The following RARRES1 variants were observed in gnomAD, a reference collection of about 807,000 sequenced individuals.
The protein encoded by RARRES1 is retinoic acid receptor responder 1, also known as retinoic acid receptor responder protein 1.
A neutral mutation model predicts 30.6 loss-of-function variants in RARRES1; 34 were observed. That is an observed-to-expected ratio of 1.11 (90% CI 0.84 to 1.48). The LOEUF is 1.48. Among genes scored for constraint, RARRES1 ranks in the 40% most tolerant of loss-of-function variants. RARRES1 has a pLI of 0.00. For synonymous variants in RARRES1, 153 were observed against 155.5 expected, an observed-to-expected ratio of 0.98 and a Z score of 0.12; for missense variants, 373 against 386.5, an observed-to-expected ratio of 0.97 and a Z score of 0.29.
chr3:158,731,531 C>T (rs1727887688), intron 1 of RARRES1, among the ~76,000 whole-genome samples: 1 of 152,180 alleles, frequency 6.6e-6, no homozygotes, highest in African/African-American at 2.4e-5. Flanking sequence ...GAACACTGGG[C>T]TCGGATTCAC....
intron 2 of RARRES1, among the ~76,000 whole-genome samples, chr3:158,712,947 G>A (rs570022778): frequency 3.2e-4 from 49 of 152,300 alleles, no homozygotes; most frequent in Non-Finnish European, 5.3e-4. Context: ...TACACTTTAA[G>A]GAAATTTTAA....
At chr3:158,700,231 A>G (rs200572811) in intron 4 of RARRES1, among the ~76,000 whole-genome samples, 24,069 of 140,984 alleles carry the variant, frequency 0.17, 1,973 homozygotes, top group South Asian at 0.23. Flanking sequence ...GTGTATATAT[A>G]TATATATAAA....
chr3:158,716,748 T>C (rs1727334736), intron 1 of RARRES1, among the ~76,000 whole-genome samples: 1 of 152,102 alleles, frequency 6.6e-6, no homozygotes, highest in East Asian at 1.9e-4. Flanking sequence ...CACACCTGGC[T>C]AATTTTTTGT....
chr3:158,714,046 G>A (rs913500956), intron 1 of RARRES1, among the ~76,000 whole-genome samples, 187 bp from the exon 2 acceptor site: 10 of 152,180 alleles, frequency 6.6e-5, no homozygotes, highest in South Asian at 6.2e-4. Context: ...CTGCTTGCTA[G>A]TTTGACACCT....
chr3:158,722,221 A>G (rs1453034742), intron 1 of RARRES1, among the ~76,000 whole-genome samples: 4 of 151,978 alleles, frequency 2.6e-5, no homozygotes, highest in Admixed American at 2.6e-4. Flanking sequence ...TGACATTTGT[A>G]TATGCACCAA....
rs555636398 is a variant in RARRES1, at chr3:158,713,781, A to G, written c.339+16T>C. On this transcript the variant is annotated intron_variant, in intron 2 of 5. Coordinates refer to ENST00000237696, the MANE Select transcript of RARRES1 (RefSeq NM_206963.2). ...GCAGTTGCTAATAGGATACTTTGCC[A>G]ATTGTGGCAGCTTACCTCTGGGTTG... 3.5e-5 allele frequency: 56 copies of G among 1,607,232 alleles called. No individual in the cohort carries two copies. The East Asian group carries it at 1.1e-3, about 33-fold the overall frequency.
At position 158,723,436 on chromosome 3, in the gene RARRES1, G is replaced by A. The variant is rs921973496; in HGVS notation, c.276+8704C>T. 1.3e-5 allele frequency among the ~76,000 whole-genome samples: 2 copies of A among 152,212 alleles called. No individual in the cohort carries two copies. The highest frequency in any genetic ancestry group is 4.8e-5 in the African/African-American group (2 of 41,444). On this transcript the variant is annotated intron_variant, in intron 1 of 5. Coordinates refer to ENST00000237696, the MANE Select transcript of RARRES1 (RefSeq NM_206963.2). The surrounding 1 kb of genome is among the most constrained non-coding windows in gnomAD (Gnocchi z 4.4). Reference sequence around the variant, plus strand: ...TATGTTCCAGATGGAGACAGCATCAGTATATTATATTATACCCTGGAATCA... The same window carrying A: ...TATGTTCCAGATGGAGACAGCATCAATATATTATATTATACCCTGGAATCA...
chr3:158,706,668 G>A (rs1219024481), intron 3 of RARRES1, among the ~76,000 whole-genome samples: 3 of 152,180 alleles, frequency 2.0e-5, no homozygotes, highest in Non-Finnish European at 4.4e-5. Flanking sequence ...AATACTTTGT[G>A]AATGCAGGCT....
At chr3:158,722,400 T>G (rs1428631677) in intron 1 of RARRES1, among the ~76,000 whole-genome samples, 1 of 152,178 alleles carries the variant, frequency 6.6e-6, no homozygotes, top group Non-Finnish European at 1.5e-5. Flanking sequence ...CCACTTTTTT[T>G]GAAATATTGC....
At chr3:158,730,368 CTT>C (rs1263675172) in intron 1 of RARRES1, among the ~76,000 whole-genome samples, 1,375 of 50,076 alleles carry the variant, frequency 0.027, 50 homozygotes, top group African/African-American at 0.13. Flanking sequence ...TAGGTTGCTC[CTT>C]CCTTCCTTCC....
chr3:158,697,555 T>C lies in RARRES1; in HGVS notation c.*123A>G, dbSNP rs1051109. The C allele has an allele frequency of 0.17, 189,085 of 1,095,818 alleles. 17,126 individuals carry two copies. Among genetic ancestry groups the C allele is most frequent in the South Asian group, 0.23 (13,677 of 58,836 alleles). 67.9% of individuals were successfully genotyped at this position (1,095,818 alleles called of 1,614,324 possible). Reference sequence around the variant, plus strand: ...CAACATCTTTGCATTTCTGAGTTTTTACTTGTAATCATAGGTTTTCCCAAA... The same window carrying C: ...CAACATCTTTGCATTTCTGAGTTTTCACTTGTAATCATAGGTTTTCCCAAA... On this transcript the variant is annotated 3_prime_UTR_variant, in exon 6 of 6. Coordinates refer to ENST00000237696, the MANE Select transcript of RARRES1 (RefSeq NM_206963.2).
chr3:158,705,150 C>G (rs1158587263), intron 3 of RARRES1, among the ~76,000 whole-genome samples: 1 of 152,124 alleles, frequency 6.6e-6, no homozygotes, highest in African/African-American at 2.4e-5. Context: ...AAATCAATGG[C>G]CATTTGCTGT....
chr3:158,722,692 C>T (rs1278166489), intron 1 of RARRES1, among the ~76,000 whole-genome samples: 1 of 151,958 alleles, frequency 6.6e-6, no homozygotes, highest in East Asian at 1.9e-4. Context: ...ATCATCCTGG[C>T]TAACATGGTG....
intron 3 of RARRES1, 140 bp downstream of exon 3, chr3:158,710,598 G>T: frequency 1.3e-6 from 1 of 777,482 alleles, no homozygotes; most frequent in Non-Finnish European, 2.0e-6. Flanking sequence ...TCTGAGTTTT[G>T]TTTAAATTAT....
At chr3:158,728,557 T>TCTGTCACC (rs1416185406) in intron 1 of RARRES1, among the ~76,000 whole-genome samples, 1 of 148,466 alleles carries the variant, frequency 6.7e-6, no homozygotes, top group Non-Finnish European at 1.5e-5. Flanking sequence ...AGATTCTCGC[T>TCTGTCACC]CTGTCACCCA....
chr3:158,731,351 G>A (rs556834167), intron 1 of RARRES1, among the ~76,000 whole-genome samples: 1 of 152,306 alleles, frequency 6.6e-6, no homozygotes, highest in East Asian at 1.9e-4. Context: ...GGTTGTAGAA[G>A]GAGCAACTTT....
intron 1 of RARRES1, among the ~76,000 whole-genome samples, chr3:158,727,798 G>C (rs981551459): frequency 6.6e-6 from 1 of 152,222 alleles, no homozygotes; most frequent in Non-Finnish European, 1.5e-5. Flanking sequence ...GGTGGGGGCA[G>C]TGAGGGAACA....
chr3:158,704,791 C>A lies in RARRES1; in HGVS notation c.672G>T (p.Trp224Cys), dbSNP rs1428907035. 4.3e-6 allele frequency: 7 copies of A among 1,610,640 alleles called. No individual in the cohort carries two copies. Among genetic ancestry groups the A allele is most frequent in the East Asian group, 2.2e-5 (1 of 44,768 alleles). The change falls in exon 4 of 6, where the codon TGG becomes TGT. Residue 224 changes from tryptophan to cysteine, a missense_variant and splice_region_variant. By Grantham distance (215) the Trp-to-Cys change is radical. Coordinates refer to ENST00000237696, the MANE Select transcript of RARRES1 (RefSeq NM_206963.2). ...YLAQLTSVRQ[W>C]KTNDDTIDFD... Reference sequence around the variant, plus strand: ...AAGTTAATTTTCAGGTTTTTCTTACCCACTGCCTCACACTAGTGAGCTGTG... The same window carrying A: ...AAGTTAATTTTCAGGTTTTTCTTACACACTGCCTCACACTAGTGAGCTGTG...
chr3:158,722,917 ACT>A (rs986508594), intron 1 of RARRES1, among the ~76,000 whole-genome samples: 1 of 151,666 alleles, frequency 6.6e-6, no homozygotes, highest in African/African-American at 2.4e-5. Flanking sequence ...TCCCCTTTAA[ACT>A]CTCTCAAAAC....
Sources: allele counts gnomAD v4.1 joint callset (sites outside exome capture counted in the v4.1 genomes callset), GRCh38; gene constraint gnomAD v4.1.1; non-coding constraint Gnocchi (gnomAD v3.1); transcripts MANE v1.5; gene names NCBI Gene and HGNC (gene_info 2026-07-23, HGNC 2026-07-21).